NECAB1: variants seen among roughly 807,000 people sequenced by gnomAD.
The protein encoded by NECAB1 is N-terminal EF-hand calcium binding protein 1.
NECAB1 carries 29 observed loss-of-function variants against 57.5 expected under a neutral mutation model. The observed-to-expected ratio is 0.50, with a 90% CI of 0.38 to 0.69. The LOEUF is 0.69. Ranked by LOEUF, NECAB1 falls within the 30% of genes least tolerant of loss-of-function variation. The pLI, the probability that NECAB1 is intolerant of heterozygous loss-of-function variation, is 0.00. For missense variants in NECAB1, 372 were observed against 413.8 expected (o/e 0.90, Z 0.88); for synonymous variants, 142 against 147.7 (o/e 0.96, Z 0.28).
At chr8:90,805,036 G>A (rs183506177) in intron 2 of NECAB1, among the ~76,000 whole-genome samples, 4 of 152,204 alleles carry the variant, frequency 2.6e-5, no homozygotes, top group Admixed American at 2.6e-4. Flanking sequence ...GTGATGACTT[G>A]GCTATCTGAG....
intron 5 of NECAB1, among the ~76,000 whole-genome samples, chr8:90,907,847 G>A (rs1244926685): frequency 2.0e-5 from 3 of 151,976 alleles, no homozygotes; most frequent in South Asian, 2.1e-4. Context: ...GAATATTTTG[G>A]TATTCTTTCA....
intron 9 of NECAB1, among the ~76,000 whole-genome samples, chr8:90,939,034 A>C (rs1810606968): frequency 6.6e-6 from 1 of 152,164 alleles, no homozygotes; most frequent in Non-Finnish European, 1.5e-5. Context: ...GGGGTTGGCA[A>C]ACTACAGCAT....
At position 90,955,922 on chromosome 8, in the gene NECAB1, T is replaced by A. The variant is rs935513832; in HGVS notation, c.*410T>A. 1 of 155,908 alleles carries A rather than the reference T, an allele frequency of 6.4e-6. No homozygotes were observed. Among genetic ancestry groups the A allele is most frequent in the African/African-American group, 2.4e-5 (1 of 41,598 alleles). 9.7% of individuals were successfully genotyped at this position (155,908 alleles called of 1,614,324 possible). On this transcript the variant is annotated 3_prime_UTR_variant, in exon 13 of 13. Coordinates refer to ENST00000417640, the MANE Select transcript of NECAB1 (RefSeq NM_022351.5). ...GTAAACTGTCGTATACTGTAAAGGGTTAAATCAGCGTTTTGTGATTTTTAA... is the reference window on the plus strand; with the variant it reads ...GTAAACTGTCGTATACTGTAAAGGGATAAATCAGCGTTTTGTGATTTTTAA...
intron 8 of NECAB1, among the ~76,000 whole-genome samples, chr8:90,928,860 CTTAG>C (rs760972310): frequency 5.3e-5 from 8 of 152,044 alleles, no homozygotes; most frequent in Non-Finnish European, 7.4e-5. Flanking sequence ...ATTTTATGTT[CTTAG>C]TTATTGTTTT....
At chr8:90,873,147 C>T (rs1368671681) in intron 4 of NECAB1, among the ~76,000 whole-genome samples, 3 of 152,146 alleles carry the variant, frequency 2.0e-5, no homozygotes, top group South Asian at 2.1e-4. Flanking sequence ...TCTCCAACAA[C>T]GACCTTTCAG....
rs114157037 is a variant in NECAB1 at position 90,825,270 on chromosome 8, C to T, written c.233+445C>T. 1.0e-3 allele frequency among the ~76,000 whole-genome samples: 159 copies of T among 151,948 alleles called. 1 individual carries two copies. The highest frequency in any genetic ancestry group is 3.8e-3 in the African/African-American group (156 of 41,506). ...TTCAGGTGTGCTGAATTCCAAATCA[C>T]TGTTACCTGAGGACATAATTATCTC... On this transcript the variant is annotated intron_variant, in intron 3 of 12. Coordinates refer to ENST00000417640, the MANE Select transcript of NECAB1 (RefSeq NM_022351.5).
At chr8:90,811,058 C>G (rs1811950971) in intron 2 of NECAB1, among the ~76,000 whole-genome samples, 2 of 151,950 alleles carry the variant, frequency 1.3e-5, no homozygotes, top group South Asian at 4.2e-4. Flanking sequence ...AGAGATTCTC[C>G]TGCCTCCGCC....
chr8:90,873,719 T>C (rs940093855), intron 4 of NECAB1, among the ~76,000 whole-genome samples: 3 of 152,138 alleles, frequency 2.0e-5, no homozygotes, highest in Non-Finnish European at 2.9e-5. Flanking sequence ...AAACACTAAG[T>C]GGTTCTTCTT....
At chr8:90,808,954 TA>T (rs1811906550) in intron 2 of NECAB1, among the ~76,000 whole-genome samples, 1 of 152,150 alleles carries the variant, frequency 6.6e-6, no homozygotes, top group Non-Finnish European at 1.5e-5. Context: ...CTTTTCATCC[TA>T]ATTCTTATTC....
intron 3 of NECAB1, among the ~76,000 whole-genome samples, chr8:90,850,206 A>T (rs1191007797): frequency 1.3e-5 from 2 of 152,230 alleles, no homozygotes; most frequent in Non-Finnish European, 2.9e-5. Flanking sequence ...GAGATAGGAA[A>T]AGACAATTAC....
intron 5 of NECAB1, among the ~76,000 whole-genome samples, chr8:90,889,850 A>C (rs1014875387): frequency 2.6e-5 from 4 of 152,194 alleles, no homozygotes; most frequent in Non-Finnish European, 5.9e-5. Context: ...TATTACTAGA[A>C]GTAAGTCAAT....
At chr8:90,857,423 AAACT>A (rs1379687996) in intron 3 of NECAB1, among the ~76,000 whole-genome samples, 1 of 152,176 alleles carries the variant, frequency 6.6e-6, no homozygotes, top group Non-Finnish European at 1.5e-5. Flanking sequence ...TTCTAATTCA[AAACT>A]AAGAAGAAAA....
At chr8:90,854,687 A>G (rs1339258395) in intron 3 of NECAB1, among the ~76,000 whole-genome samples, 1 of 152,198 alleles carries the variant, frequency 6.6e-6, no homozygotes, top group Non-Finnish European at 1.5e-5. Flanking sequence ...TGGTTATCTA[A>G]AACTACTCTA....
intron 3 of NECAB1, among the ~76,000 whole-genome samples, chr8:90,835,733 AT>A (rs1812361451): frequency 1.3e-5 from 2 of 152,126 alleles, no homozygotes; most frequent in South Asian, 4.1e-4. Flanking sequence ...TCCAAATACA[AT>A]TGTAAATTCC....
chr8:90,945,820 G>A (rs1169319176), intron 10 of NECAB1, among the ~76,000 whole-genome samples: 1 of 152,154 alleles, frequency 6.6e-6, no homozygotes, highest in Non-Finnish European at 1.5e-5. Context: ...AGCTTTTGGG[G>A]CCTGCATCCA....
intron 1 of NECAB1, among the ~76,000 whole-genome samples, chr8:90,794,501 T>C (rs551155574): frequency 4.6e-5 from 7 of 152,278 alleles, no homozygotes; most frequent in Non-Finnish European, 1.0e-4. Flanking sequence ...TTTATTGCAA[T>C]GTCACTGGAA....
At chr8:90,954,911 TG>T (rs1305821495) in intron 12 of NECAB1, among the ~76,000 whole-genome samples, 1 of 147,980 alleles carries the variant, frequency 6.8e-6, no homozygotes, top group Non-Finnish European at 1.5e-5. Flanking sequence ...TATATGTATG[TG>T]TATACAAATG....
In NECAB1 at chr8:90,791,795, C is replaced by T; in HGVS notation, c.-92C>T. ...ACACCCTCCCGGATCCAGAGCCCGG[C>T]GGCGGCGAAGCAGCAGCTGCGGCCG... On this transcript the variant is annotated 5_prime_UTR_variant, in exon 1 of 13. Transcript: ENST00000417640. 2 of 987,416 alleles carry T rather than the reference C, an allele frequency of 2.0e-6. No individual in the cohort carries two copies. The highest frequency in any genetic ancestry group is 3.0e-6 in the Non-Finnish European group (2 of 661,672). 61.2% of individuals were successfully genotyped at this position (987,416 alleles called of 1,614,324 possible). A position where few individuals can be genotyped will look rare whatever the true frequency, so the allele number is the denominator to read the frequency against.
chr8:90,871,675 C>A (rs888220680), intron 3 of NECAB1, among the ~76,000 whole-genome samples: 2 of 152,108 alleles, frequency 1.3e-5, no homozygotes, highest in African/African-American at 4.8e-5. Context: ...GTGCCAATTA[C>A]AGTTCAGTGC....
Sources: allele counts gnomAD v4.1 joint callset (sites outside exome capture counted in the v4.1 genomes callset), GRCh38; gene constraint gnomAD v4.1.1; transcripts MANE v1.5; gene names NCBI Gene and HGNC (gene_info 2026-07-23, HGNC 2026-07-21).